ELFN1: variants seen among roughly 807,000 people sequenced by gnomAD.
The protein encoded by ELFN1 is extracellular leucine rich repeat and fibronectin type III domain containing 1.
A neutral mutation model predicts 7.6 loss-of-function variants in ELFN1; 6 were observed. The ratio of observed to expected loss-of-function variants is 0.79; its 90% CI spans 0.43 to 1.56. The LOEUF (loss-of-function observed/expected upper bound fraction) is 1.56. ELFN1 is among the 40% of genes most tolerant of loss of function. The probability of loss-of-function intolerance (pLI) is 0.01; values close to 1 mark genes in which losing one functional copy is unlikely to be tolerated. For synonymous variants in ELFN1, 657 were observed against 588.1 expected, an observed-to-expected ratio of 1.12 and a Z score of -1.70; for missense variants, 1,169 against 1,232.2, an observed-to-expected ratio of 0.95 and a Z score of 0.77.
At chr7:1,742,746 G>A (rs1277377774) in intron 3 of ELFN1, among the ~76,000 whole-genome samples, 7 of 152,184 alleles carry the variant, frequency 4.6e-5, no homozygotes, top group Admixed American at 1.3e-4. Context: ...CCCCCATGCC[G>A]TCTGACTTCT....
At chr7:1,676,262 C>A (rs910911128) in intron 1 of ELFN1, among the ~76,000 whole-genome samples, 9 of 152,224 alleles carry the variant, frequency 5.9e-5, no homozygotes, top group Admixed American at 5.9e-4. Context: ...GACAGACTGC[C>A]CCTGTGTCTG....
chr7:1,696,851 C>A (rs1386189718), intron 2 of ELFN1, among the ~76,000 whole-genome samples: 1 of 152,218 alleles, frequency 6.6e-6, no homozygotes, highest in Non-Finnish European at 1.5e-5. Flanking sequence ...CACACTTCAG[C>A]CCACGGCACT....
chr7:1,740,986 C>G lies in ELFN1; in HGVS notation c.-293-3318C>G, dbSNP rs567707483. ...CTCTACTAAAAGTACAAAAATTAGC[C>G]GGGCATGGTGGTGTGTGCCTATAAT... On this transcript the variant is annotated intron_variant, in intron 3 of 3. Coordinates refer to ENST00000424383, the MANE Select transcript of ELFN1 (RefSeq NM_001128636.4). The surrounding 1 kb of genome is among the most constrained non-coding windows in gnomAD (Gnocchi z 5.0). 3.3e-5 allele frequency among the ~76,000 whole-genome samples: 5 copies of G among 152,076 alleles called. No individual in the cohort carries two copies. The highest frequency in any genetic ancestry group is 1.2e-4 in the African/African-American group (5 of 41,406).
rs567558610 is a variant in ELFN1, at chr7:1,675,065, C to A, written c.-549+4711C>A. Among the ~76,000 whole-genome samples the A allele has an allele frequency of 3.9e-4, 20 of 51,710 alleles. No homozygotes were observed. In the African/African-American group the frequency reaches 5.0e-3, roughly 13 times the overall value. 33.9% of individuals were successfully genotyped at this position (51,710 alleles called of 152,430 possible). A position where few individuals can be genotyped will look rare whatever the true frequency, so the allele number is the denominator to read the frequency against. ...TATCCGGGCTCAGCTGGGAGAGTGC[C>A]CTGGCCTTACCGACGGGGACCCGGC... On this transcript the variant is annotated intron_variant, in intron 1 of 3. Transcript: ENST00000424383.
intron 2 of ELFN1, among the ~76,000 whole-genome samples, 188 bp from the exon 3 acceptor site, chr7:1,708,903 C>A (rs887219937): frequency 1.4e-4 from 21 of 152,184 alleles, no homozygotes; most frequent in African/African-American, 4.8e-4. Context: ...CTCTGTGTGT[C>A]AGCCTGCTCT....
At chr7:1,719,217 A>G (rs1175346911) in intron 3 of ELFN1, among the ~76,000 whole-genome samples, 3 of 141,800 alleles carry the variant, frequency 2.1e-5, no homozygotes, top group Non-Finnish European at 3.0e-5. Context: ...GGCCCCGCCC[A>G]CCAACAGGAC....
rs1488591226 is a variant in ELFN1, at chr7:1,673,091, C to CG, written c.-549+2737_-549+2738insG. On this transcript the variant is annotated intron_variant, in intron 1 of 3. Coordinates refer to ENST00000424383, the MANE Select transcript of ELFN1 (RefSeq NM_001128636.4). The surrounding 1 kb of genome is among the most constrained non-coding windows in gnomAD (Gnocchi z 4.7). ...CATTTGTCATCTCTCCAGCGCCCCC[C>CG]CCCGCTCTTTCCTTTTTGTTTTTGT... 7.9e-4 allele frequency among the ~76,000 whole-genome samples: 74 copies of CG among 93,862 alleles called. 1 individual carries two copies. In the East Asian group the frequency reaches 0.023, roughly 29 times the overall value. 61.6% of individuals were successfully genotyped at this position (93,862 alleles called of 152,430 possible).
chr7:1,700,453 G>A (rs889057526), intron 2 of ELFN1, among the ~76,000 whole-genome samples: 1 of 152,206 alleles, frequency 6.6e-6, no homozygotes, highest in African/African-American at 2.4e-5. Flanking sequence ...TGAAATCTTT[G>A]CATACTTCTT....
At chr7:1,693,176 G>A (rs1001900216) in intron 2 of ELFN1, 41 of 367,316 alleles carry the variant, frequency 1.1e-4, no homozygotes, top group South Asian at 5.4e-4. Flanking sequence ...GCTGGGTTCC[G>A]CTGGGGTCCT....
intron 2 of ELFN1, among the ~76,000 whole-genome samples, chr7:1,700,032 G>C (rs572322536): frequency 5.3e-5 from 8 of 152,264 alleles, no homozygotes; most frequent in African/African-American, 1.7e-4. Context: ...AACTTTGGTG[G>C]TTTCCATTTT....
intron 2 of ELFN1, among the ~76,000 whole-genome samples, chr7:1,694,723 C>T (rs1206449386): frequency 6.6e-6 from 1 of 152,224 alleles, no homozygotes; most frequent in Non-Finnish European, 1.5e-5. Context: ...GACACCAAGA[C>T]GTCACTGTCA....
At chr7:1,731,193 C>T (rs912687213) in intron 3 of ELFN1, among the ~76,000 whole-genome samples, 7 of 152,094 alleles carry the variant, frequency 4.6e-5, no homozygotes, top group Non-Finnish European at 8.8e-5. Flanking sequence ...TGAGATGTGC[C>T]GTGTTGGAAT....
At position 1,746,975 on chromosome 7, in the gene ELFN1, C is replaced by A; in HGVS notation, c.2379C>A (p.Phe793Leu). The A allele has an allele frequency of 6.4e-7, 1 of 1,557,584 alleles. No homozygotes were observed. Among genetic ancestry groups the A allele is most frequent in the Non-Finnish European group, 8.7e-7 (1 of 1,151,472 alleles). ...GGCGGCACAAGGAGGAAGAGGAGTT[C>A]ATGGCCGCGGGCCATGCCCTGCGCA... ...SRRRHKEEEE[F>L]MAAGHALRKK... Residue 793 changes from phenylalanine to leucine, a missense_variant, in exon 4 of 4, where the codon TTC becomes TTA. Phe to Leu is a conservative substitution (Grantham distance 22). Around this residue, in one of 2 missense-constraint regions of ELFN1, gnomAD observed 914 missense variants for 872.6 expected, o/e 1.05. Transcript: ENST00000424383.
intron 3 of ELFN1, among the ~76,000 whole-genome samples, chr7:1,734,220 C>T (rs1193794631): frequency 5.3e-5 from 8 of 152,118 alleles, no homozygotes; most frequent in Non-Finnish European, 1.0e-4. Flanking sequence ...CGCTTTCTGA[C>T]GGTGGTGGGA....
At chr7:1,708,689 G>A (rs905239699) in intron 2 of ELFN1, among the ~76,000 whole-genome samples, 3 of 152,032 alleles carry the variant, frequency 2.0e-5, no homozygotes, top group Admixed American at 6.5e-5. Flanking sequence ...AGGTTCCCAC[G>A]GACCCAACAG....
At chr7:1,715,632 T>G (rs565849357) in intron 3 of ELFN1, among the ~76,000 whole-genome samples, 1 of 152,356 alleles carries the variant, frequency 6.6e-6, no homozygotes, top group South Asian at 2.1e-4. Context: ...CTTCTGCTCC[T>G]AGATCTTCAT....
intron 1 of ELFN1, among the ~76,000 whole-genome samples, chr7:1,679,179 GCACACACA>G (rs368107431): frequency 6.7e-6 from 1 of 150,298 alleles, no homozygotes; most frequent in South Asian, 2.1e-4. Context: ...ACGTACGCGC[GCACACACA>G]CACACACACA....
At chr7:1,724,959 C>G (rs1459694592) in intron 3 of ELFN1, among the ~76,000 whole-genome samples, 1 of 152,226 alleles carries the variant, frequency 6.6e-6, no homozygotes, top group Non-Finnish European at 1.5e-5. Flanking sequence ...GAGGTGCTAG[C>G]CCCCTCCCCA....
chr7:1,667,964 G>T (rs1388766063), upstream of ELFN1, among the ~76,000 whole-genome samples: 3 of 144,486 alleles, frequency 2.1e-5, 1 homozygote, highest in African/African-American at 7.5e-5. This position sits in a 1 kb window ranked among gnomAD's most constrained non-coding sequence, Gnocchi z 8.2. Flanking sequence ...TCCGCTCGGG[G>T]TGGGGGGGGG....
Sources: gnomAD v4.1 joint callset for allele counts (sites outside exome capture counted in the v4.1 genomes callset) on GRCh38, gnomAD v4.1.1 for gene constraint, gnomAD v4.1.1 regional missense constraint, Gnocchi (gnomAD v3.1) non-coding constraint, MANE v1.5 for transcripts, NCBI Gene and HGNC (gene_info 2026-07-23, HGNC 2026-07-21) for gene names.